The following TCF7L1 variants were observed in gnomAD, a reference collection of about 807,000 sequenced individuals.
The protein encoded by TCF7L1 is transcription factor 7-like 1.
A neutral mutation model predicts 63.7 loss-of-function variants in TCF7L1; 18 were observed. The observed-to-expected ratio is 0.28, with a 90% CI of 0.20 to 0.42. The LOEUF (loss-of-function observed/expected upper bound fraction) is 0.42. Among genes scored for constraint, TCF7L1 ranks in the 10% least tolerant of loss-of-function variants. The probability of loss-of-function intolerance (pLI) is 1.00; values close to 1 mark genes in which losing one functional copy is unlikely to be tolerated. For missense variants in TCF7L1, 654 were observed against 779.3 expected (o/e 0.84, Z 1.91); for synonymous variants, 355 against 340.9 (o/e 1.04, Z -0.46).
intron 3 of TCF7L1, among the ~76,000 whole-genome samples, chr2:85,218,701 G>C (rs369873058): frequency 6.6e-6 from 1 of 152,134 alleles, no homozygotes; most frequent in Admixed American, 6.5e-5. Context: ...TCCTCTAGGA[G>C]AGGTCCTTGG....
At chr2:85,208,988 A>G (rs1679482043) in intron 3 of TCF7L1, among the ~76,000 whole-genome samples, 1 of 152,206 alleles carries the variant, frequency 6.6e-6, no homozygotes, top group Non-Finnish European at 1.5e-5. Flanking sequence ...TACAGGAGTC[A>G]TAGAATAACG....
chr2:85,296,411 A>G (rs1229607759), intron 4 of TCF7L1, among the ~76,000 whole-genome samples: 3 of 152,206 alleles, frequency 2.0e-5, no homozygotes, highest in Non-Finnish European at 2.9e-5. Context: ...CTAAAGTTGC[A>G]TCCTCGTTAC....
At chr2:85,196,460 A>T (rs1679158684) in intron 3 of TCF7L1, among the ~76,000 whole-genome samples, 1 of 151,972 alleles carries the variant, frequency 6.6e-6, no homozygotes, top group African/African-American at 2.4e-5. Flanking sequence ...CCAGCAGCAC[A>T]TTGGAATTAC....
Position 85,306,970 on chromosome 2 carries a change from T to A in TCF7L1, c.1257+411T>A, listed in dbSNP as rs770365876. On this transcript the variant is annotated intron_variant, in intron 10 of 11. Transcript: ENST00000282111. This position sits in a 1 kb window ranked among gnomAD's most constrained non-coding sequence, Gnocchi z 4.3. Reference sequence around the variant, plus strand: ...TGAGCCACCGCGCCCGGCCAGCGACTGCATTTATAGAGGACTCTTAAGATC... The same window carrying A: ...TGAGCCACCGCGCCCGGCCAGCGACAGCATTTATAGAGGACTCTTAAGATC... 6.6e-6 allele frequency among the ~76,000 whole-genome samples: 1 copy of A among 152,216 alleles called. No homozygotes were observed. Among genetic ancestry groups the A allele is most frequent in the Non-Finnish European group, 1.5e-5 (1 of 68,040 alleles).
intron 3 of TCF7L1, among the ~76,000 whole-genome samples, chr2:85,264,242 T>C (rs11689667): frequency 0.35 from 53,060 of 152,112 alleles, 10,403 homozygotes; most frequent in Non-Finnish European, 0.45. Context: ...TAATTCAGCG[T>C]GTATCTGAGT....
At chr2:85,307,148 A>G (rs964838308) in intron 10 of TCF7L1, among the ~76,000 whole-genome samples, 6 of 143,760 alleles carry the variant, frequency 4.2e-5, no homozygotes, top group Non-Finnish European at 9.1e-5. Context: ...TAGCTGTGGT[A>G]GGAAGAGTTG....
At chr2:85,223,265 G>A (rs1193778703) in intron 3 of TCF7L1, among the ~76,000 whole-genome samples, 1 of 152,166 alleles carries the variant, frequency 6.6e-6, no homozygotes, top group African/African-American at 2.4e-5. Flanking sequence ...TAAATTTTTT[G>A]TAGAGACAAG....
At chr2:85,189,625 A>G (rs1679001392) in intron 3 of TCF7L1, among the ~76,000 whole-genome samples, 1 of 152,134 alleles carries the variant, frequency 6.6e-6, no homozygotes, top group South Asian at 2.1e-4. Context: ...AAGTCTTCAC[A>G]CTGCTCTTTG....
intron 3 of TCF7L1, among the ~76,000 whole-genome samples, chr2:85,207,235 T>A (rs1679427265): frequency 6.6e-6 from 1 of 152,218 alleles, no homozygotes; most frequent in African/African-American, 2.4e-5. Context: ...TCCAAGTTAC[T>A]GCCTGTGACC....
At chr2:85,259,542 T>C (rs142369351) in intron 3 of TCF7L1, among the ~76,000 whole-genome samples, 129 of 152,332 alleles carry the variant, frequency 8.5e-4, no homozygotes, top group African/African-American at 2.9e-3. Context: ...ACAGCTTCTC[T>C]AGGCCTTGCC....
At chr2:85,268,471 CTTTTTTTT>C (rs554305734) in intron 3 of TCF7L1, among the ~76,000 whole-genome samples, 1 of 134,814 alleles carries the variant, frequency 7.4e-6, no homozygotes, top group South Asian at 2.4e-4. Context: ...GATTGGATGC[CTTTTTTTT>C]TTTTTTTTTT....
In TCF7L1 at chr2:85,226,199, C is replaced by T. The variant is rs943642837; in HGVS notation, c.442-57296C>T. Among the ~76,000 whole-genome samples the T allele has an allele frequency of 7.6e-4, 115 of 152,178 alleles. 1 individual carries two copies. Among genetic ancestry groups the T allele is most frequent in the Non-Finnish European group, 1.2e-3 (83 of 68,034 alleles). On this transcript the variant is annotated intron_variant, in intron 3 of 11. Transcript: ENST00000282111. ...TTGCTAGTATTTTATTGAGGATCTT[C>T]GCATCGATGTTCATCAGGGATATTA... is the stretch of plus-strand genomic sequence containing the variant.
chr2:85,159,175 G>A (rs377209444), intron 3 of TCF7L1, among the ~76,000 whole-genome samples: 1 of 152,138 alleles, frequency 6.6e-6, no homozygotes, highest in Admixed American at 6.5e-5. Flanking sequence ...GTTTGAGACA[G>A]GAAACACTTC....
chr2:85,211,940 A>C (rs1231454840), intron 3 of TCF7L1, among the ~76,000 whole-genome samples: 1 of 151,930 alleles, frequency 6.6e-6, no homozygotes, highest in Non-Finnish European at 1.5e-5. Context: ...AAATACAAAA[A>C]TCAGTCGGAT....
intron 3 of TCF7L1, among the ~76,000 whole-genome samples, chr2:85,181,270 G>A (rs1318179812): frequency 6.6e-6 from 1 of 152,204 alleles, no homozygotes; most frequent in East Asian, 1.9e-4. Flanking sequence ...GTAGCACAGA[G>A]GGAATGTATT....
chr2:85,299,905 T>A (rs907104351), intron 4 of TCF7L1, among the ~76,000 whole-genome samples: 459 of 40,156 alleles, frequency 0.011, no homozygotes, highest in East Asian at 0.049. Flanking sequence ...ACACACACAC[T>A]GATGCCCAGA....
chr2:85,309,661 C>CA lies in TCF7L1; in HGVS notation c.*201dup. ...GGCTTTTTTAAAAAACAAAACAAAA[C>CA]AACAAAAAAAAATCTTTATAAGAAA... On this transcript the variant is annotated 3_prime_UTR_variant, in exon 12 of 12. Transcript: ENST00000282111. The CA allele has an allele frequency of 4.1e-6, 2 of 491,324 alleles. No individual in the cohort carries two copies. The highest frequency in any genetic ancestry group is 6.8e-6 in the Non-Finnish European group (2 of 294,042). 30.4% of individuals were successfully genotyped at this position (491,324 alleles called of 1,614,324 possible). A position where few individuals can be genotyped will look rare whatever the true frequency, so the allele number is the denominator to read the frequency against.
Position 85,148,448 on chromosome 2 carries a change from C to T in TCF7L1, c.441+13998C>T, listed in dbSNP as rs1437971311. 5.3e-5 allele frequency among the ~76,000 whole-genome samples: 8 copies of T among 152,074 alleles called. No individual in the cohort carries two copies. In the South Asian group the frequency reaches 6.2e-4, roughly 12 times the overall value. ...GGTTTGCAGAGCACTGAATCCCAGC[C>T]GCGTCATGAGTTGGCTGTGTCCCTA... On this transcript the variant is annotated intron_variant, in intron 3 of 11. Transcript: ENST00000282111.
chr2:85,215,572 A>G (rs1480666863), intron 3 of TCF7L1, among the ~76,000 whole-genome samples: 3 of 152,202 alleles, frequency 2.0e-5, no homozygotes, highest in Non-Finnish European at 4.4e-5. Context: ...ACGTTGAAGC[A>G]GCTGTGCCGA....
Sources: gnomAD v4.1 joint callset for allele counts (sites outside exome capture counted in the v4.1 genomes callset) on GRCh38, gnomAD v4.1.1 for gene constraint, Gnocchi (gnomAD v3.1) non-coding constraint, MANE v1.5 for transcripts, NCBI Gene and HGNC (gene_info 2026-07-23, HGNC 2026-07-21) for gene names.